Variants in PRTFDC1 observed in about 807,000 individuals in gnomAD.
The protein encoded by PRTFDC1 is phosphoribosyl transferase domain containing 1, also known as phosphoribosyltransferase domain-containing protein 1.
A neutral mutation model predicts 34.6 loss-of-function variants in PRTFDC1; 38 were observed. The ratio of observed to expected loss-of-function variants is 1.10; its 90% CI spans 0.85 to 1.44. The LOEUF (loss-of-function observed/expected upper bound fraction) is 1.44. PRTFDC1 is among the 40% of genes most tolerant of loss of function. The pLI, the probability that PRTFDC1 is intolerant of heterozygous loss-of-function variation, is 0.00. For missense variants in PRTFDC1, 270 were observed against 283.0 expected, an observed-to-expected ratio of 0.95 and a Z score of 0.33; for synonymous variants, 93 against 98.1, an observed-to-expected ratio of 0.95 and a Z score of 0.31.
intron 3 of PRTFDC1, among the ~76,000 whole-genome samples, chr10:24,878,685 C>A (rs573636203): frequency 2.0e-5 from 3 of 152,224 alleles, no homozygotes; most frequent in East Asian, 3.9e-4. Context: ...GATTCCTCAC[C>A]AAACAGACAA....
chr10:24,872,153 G>T lies in PRTFDC1; in HGVS notation c.340-90C>A, dbSNP rs988859329. The T allele has an allele frequency of 7.1e-6, 8 of 1,120,240 alleles. No individual in the cohort carries two copies. The African/African-American group carries it at 1.1e-4, about 15-fold the overall frequency. 69.4% of individuals were successfully genotyped at this position (1,120,240 alleles called of 1,614,324 possible). ...TTCCTGTCTACCCAGTTAGTGGCCG[G>T]AATGTGCCTTACAAATATAGCACAA... On this transcript the variant is annotated intron_variant, in intron 3 of 8. Transcript: ENST00000320152.
intron 3 of PRTFDC1, among the ~76,000 whole-genome samples, chr10:24,901,409 C>A (rs1848447679): frequency 6.6e-6 from 1 of 152,102 alleles, no homozygotes; most frequent in South Asian, 2.1e-4. Context: ...TGACCACCAC[C>A]ACCTCACTTA....
At chr10:24,935,941 C>T (rs1469638975) in intron 3 of PRTFDC1, among the ~76,000 whole-genome samples, 1 of 152,200 alleles carries the variant, frequency 6.6e-6, no homozygotes, top group Non-Finnish European at 1.5e-5. Context: ...AAAATCCCAA[C>T]TAACACACTG....
At chr10:24,866,800 GAGAGAGAGAGAAAAGA>G (rs1332602373) in intron 4 of PRTFDC1, among the ~76,000 whole-genome samples, 1 of 151,462 alleles carries the variant, frequency 6.6e-6, no homozygotes. Flanking sequence ...GAAAGAGAGA[GAGAGAGAGAGAAAAGA>G]AGAGAGAGAA....
intron 2 of PRTFDC1, among the ~76,000 whole-genome samples, chr10:24,939,485 A>T (rs1342813671): frequency 6.6e-6 from 1 of 152,202 alleles, no homozygotes; most frequent in East Asian, 1.9e-4. Flanking sequence ...GATTAAAAAA[A>T]GATCTAACTG....
chr10:24,870,746 A>G (rs1281208444), intron 4 of PRTFDC1, among the ~76,000 whole-genome samples: 1 of 152,140 alleles, frequency 6.6e-6, no homozygotes, highest in African/African-American at 2.4e-5. Context: ...CTAGATAGCC[A>G]TTTAACACAT....
chr10:24,881,927 C>T (rs546060667), intron 3 of PRTFDC1, among the ~76,000 whole-genome samples: 9 of 152,022 alleles, frequency 5.9e-5, no homozygotes, highest in South Asian at 2.1e-4. Context: ...GCTCAGTTTG[C>T]GGGGCACGGT....
At chr10:24,865,779 T>C (rs1159758015) in intron 4 of PRTFDC1, among the ~76,000 whole-genome samples, 1 of 152,162 alleles carries the variant, frequency 6.6e-6, no homozygotes, top group African/African-American at 2.4e-5. Context: ...CAGTGTAGTT[T>C]GGTGGCCGTG....
At chr10:24,850,352 A>G (rs1377665200) in intron 8 of PRTFDC1, among the ~76,000 whole-genome samples, 1 of 152,128 alleles carries the variant, frequency 6.6e-6, no homozygotes, top group African/African-American at 2.4e-5. Context: ...GAGGATTTGG[A>G]TGGGCTCAGT....
intron 3 of PRTFDC1, among the ~76,000 whole-genome samples, chr10:24,886,219 C>T (rs963322788): frequency 6.6e-6 from 1 of 150,396 alleles, no homozygotes; most frequent in Non-Finnish European, 1.5e-5. Context: ...AGCGGGGAGT[C>T]TATGTGGGGC....
At chr10:24,877,403 A>G (rs1218911574) in intron 3 of PRTFDC1, among the ~76,000 whole-genome samples, 1 of 152,186 alleles carries the variant, frequency 6.6e-6, no homozygotes, top group Non-Finnish European at 1.5e-5. Flanking sequence ...TGTGTTTTTA[A>G]TGAACGTCGC....
At chr10:24,871,106 T>A (rs1588581132) in intron 4 of PRTFDC1, among the ~76,000 whole-genome samples, 2 of 149,498 alleles carry the variant, frequency 1.3e-5, no homozygotes, top group South Asian at 4.3e-4. Flanking sequence ...TGTGGCTCTA[T>A]AGCCATCCTA....
At chr10:24,901,936 A>G (rs6482453) in intron 3 of PRTFDC1, among the ~76,000 whole-genome samples, 22,735 of 152,172 alleles carry the variant, frequency 0.15, 2,284 homozygotes, top group African/African-American at 0.29. Context: ...TGCCACAGGT[A>G]TCCACCCACA....
At chr10:24,896,252 A>C (rs1848361284) in intron 3 of PRTFDC1, among the ~76,000 whole-genome samples, 1 of 152,218 alleles carries the variant, frequency 6.6e-6, no homozygotes, top group African/African-American at 2.4e-5. Context: ...AGATTCTCAT[A>C]GGATCACAAC....
intron 6 of PRTFDC1, among the ~76,000 whole-genome samples, chr10:24,855,922 T>A (rs1391898877): frequency 6.6e-6 from 1 of 152,066 alleles, no homozygotes; most frequent in Non-Finnish European, 1.5e-5. Flanking sequence ...GAGACCAGCC[T>A]GGCCAACATG....
intron 4 of PRTFDC1, among the ~76,000 whole-genome samples, chr10:24,863,301 A>G (rs939481007): frequency 1.3e-5 from 2 of 152,226 alleles, no homozygotes; most frequent in Non-Finnish European, 2.9e-5. Flanking sequence ...CCTGTGTTCT[A>G]TAAATGGAGC....
At chr10:24,865,346 A>G (rs902864004) in intron 4 of PRTFDC1, among the ~76,000 whole-genome samples, 1 of 152,128 alleles carries the variant, frequency 6.6e-6, no homozygotes, top group East Asian at 1.9e-4. Flanking sequence ...GCACTAAGCA[A>G]TTTCCTAAAA....
At chr10:24,948,012 A>G (rs1378703859) in intron 1 of PRTFDC1, among the ~76,000 whole-genome samples, 1 of 152,130 alleles carries the variant, frequency 6.6e-6, no homozygotes, top group African/African-American at 2.4e-5. Context: ...TCCTATCCAC[A>G]TGCCTTCCTC....
At chr10:24,880,691 C>T (rs1848051829) in intron 3 of PRTFDC1, among the ~76,000 whole-genome samples, 1 of 152,176 alleles carries the variant, frequency 6.6e-6, no homozygotes, top group African/African-American at 2.4e-5. Flanking sequence ...CTTGGAAATG[C>T]ACTCATCTGT....
Sources: allele counts gnomAD v4.1 joint callset (sites outside exome capture counted in the v4.1 genomes callset), GRCh38; gene constraint gnomAD v4.1.1; transcripts MANE v1.5; gene names NCBI Gene and HGNC (gene_info 2026-07-23, HGNC 2026-07-21).